Variants in CDH4 observed in about 807,000 individuals in gnomAD.
CDH4 encodes cadherin 4.
A neutral mutation model predicts 86.0 loss-of-function variants in CDH4; 33 were observed. The ratio of observed to expected loss-of-function variants is 0.38; its 90% CI spans 0.29 to 0.51. CDH4 has a LOEUF of 0.51. Among genes scored for constraint, CDH4 ranks in the 20% least tolerant of loss-of-function variants. The probability of loss-of-function intolerance (pLI) is 0.86; values close to 1 mark genes in which losing one functional copy is unlikely to be tolerated. For missense variants in CDH4, 1,114 were observed against 1,307.4 expected, an observed-to-expected ratio of 0.85 and a Z score of 2.28; for synonymous variants, 555 against 549.4, an observed-to-expected ratio of 1.01 and a Z score of -0.14.
At chr20:61,368,042 T>G (rs1017892383) in intron 2 of CDH4, among the ~76,000 whole-genome samples, 6 of 152,038 alleles carry the variant, frequency 3.9e-5, no homozygotes, top group African/African-American at 1.2e-4. Context: ...GGCTAACTTT[T>G]GTATTTTTAG....
At chr20:61,561,755 C>T (rs1426440301) in intron 2 of CDH4, among the ~76,000 whole-genome samples, 1 of 152,252 alleles carries the variant, frequency 6.6e-6, no homozygotes, top group Non-Finnish European at 1.5e-5. Flanking sequence ...AGCATGTTTA[C>T]TATCTCGCCC....
chr20:61,537,024 G>A (rs1272601497), intron 2 of CDH4, among the ~76,000 whole-genome samples: 1 of 152,166 alleles, frequency 6.6e-6, no homozygotes, highest in Admixed American at 6.5e-5. Context: ...ATGATGCTCT[G>A]AGCACCCCCA....
chr20:61,634,286 G>A (rs1298033722), intron 2 of CDH4, among the ~76,000 whole-genome samples: 4 of 152,100 alleles, frequency 2.6e-5, no homozygotes, highest in Admixed American at 6.5e-5. Flanking sequence ...GCTCATTTAC[G>A]CACTGAACAC....
chr20:61,669,137 T>C (rs1397914166), intron 2 of CDH4, among the ~76,000 whole-genome samples: 2 of 152,322 alleles, frequency 1.3e-5, no homozygotes, highest in Middle Eastern at 3.4e-3. Flanking sequence ...GGAGCGGGCA[T>C]GGGCACACCT....
At chr20:61,936,425 C>CG (rs1166944733) in intron 15 of CDH4, among the ~76,000 whole-genome samples, 1 of 52,356 alleles carries the variant, frequency 1.9e-5, no homozygotes, top group African/African-American at 9.0e-5. Flanking sequence ...CACACCCCCC[C>CG]CCCCATCTGC....
intron 2 of CDH4, among the ~76,000 whole-genome samples, chr20:61,700,001 C>A (rs991247318): frequency 6.6e-6 from 1 of 152,198 alleles, no homozygotes; most frequent in Non-Finnish European, 1.5e-5. Flanking sequence ...GAACGAGGCT[C>A]ACAGCGCCGG....
In CDH4 at chr20:61,937,178, CTG is replaced by C; in HGVS notation, c.*237_*238del. 4.5e-6 allele frequency: 1 copy of C among 219,924 alleles called. No homozygotes were observed. Among genetic ancestry groups the C allele is most frequent in the Non-Finnish European group, 8.4e-6 (1 of 119,642 alleles). The allele number at this position is 219,924 out of a possible 1,614,324, so 13.6% of individuals were successfully genotyped here. ...GCACTGAAGGACAGCAAGAGGCACT[CTG>C]TCTTCACTTGAATTTCCTAGAACAG... On this transcript the variant is annotated 3_prime_UTR_variant, in exon 16 of 16. Transcript: ENST00000614565.
At chr20:61,930,797 G>C (rs980996786) in intron 13 of CDH4, among the ~76,000 whole-genome samples, 2 of 152,254 alleles carry the variant, frequency 1.3e-5, no homozygotes, top group Non-Finnish European at 2.9e-5. Context: ...GGAGTGGAAA[G>C]AGCCCCACAG....
intron 6 of CDH4, among the ~76,000 whole-genome samples, chr20:61,857,101 C>T (rs769858404): frequency 2.6e-5 from 4 of 152,252 alleles, no homozygotes; most frequent in Non-Finnish European, 5.9e-5. Flanking sequence ...AAGGCAGGTT[C>T]TCGTGGGTCT....
chr20:61,761,236 A>C (rs936048970), intron 3 of CDH4, among the ~76,000 whole-genome samples: 25 of 152,228 alleles, frequency 1.6e-4, no homozygotes, highest in African/African-American at 6.0e-4. Flanking sequence ...GGGGGCTCAC[A>C]TAATTTCCTT....
rs140144539 is a variant in CDH4 at position 61,362,838 on chromosome 20, G to A, written c.169+107901G>A. ...CCAGAGGAGATCAAATAACTGCCAA[G>A]TACAAGGGTCCAGCAACGTGCATCA... is the stretch of plus-strand genomic sequence containing the variant. On this transcript the variant is annotated intron_variant, in intron 2 of 15. Transcript: ENST00000614565. 5.5e-3 allele frequency among the ~76,000 whole-genome samples: 843 copies of A among 152,262 alleles called. 3 individuals are homozygous for A. Among genetic ancestry groups the A allele is most frequent in the African/African-American group, 0.018 (762 of 41,548 alleles).
chr20:61,303,840 C>T (rs1373837026), intron 2 of CDH4, among the ~76,000 whole-genome samples: 4 of 152,346 alleles, frequency 2.6e-5, no homozygotes, highest in East Asian at 1.9e-4. Context: ...AGCTGGAAAG[C>T]GAGCCTTCAG....
chr20:61,479,470 C>T (rs922996558), intron 2 of CDH4, among the ~76,000 whole-genome samples: 9 of 151,672 alleles, frequency 5.9e-5, no homozygotes, highest in Admixed American at 1.3e-4. Context: ...TTTGTCCTTG[C>T]GATAGTTTGC....
intron 2 of CDH4, among the ~76,000 whole-genome samples, chr20:61,495,278 C>T (rs1215433075): frequency 6.6e-6 from 1 of 152,218 alleles, no homozygotes; most frequent in East Asian, 1.9e-4. Flanking sequence ...CCCTGGAGCT[C>T]AGGCACCTGA....
chr20:61,925,357 G>C (rs371290688), intron 11 of CDH4, among the ~76,000 whole-genome samples: 15 of 152,338 alleles, frequency 9.8e-5, no homozygotes, highest in East Asian at 5.8e-4. Context: ...GATCAGTCCA[G>C]TACCACCGCT....
intron 2 of CDH4, among the ~76,000 whole-genome samples, chr20:61,621,688 A>G (rs923961782): frequency 2.6e-5 from 4 of 152,266 alleles, no homozygotes; most frequent in African/African-American, 9.6e-5. Context: ...TGCACTAGCA[A>G]GGCTAGTTTA....
rs76090331 is a variant in CDH4, at chr20:61,622,158, G to A, written c.170-121405G>A. On this transcript the variant is annotated intron_variant, in intron 2 of 15. Transcript: ENST00000614565. ...GCCACAAAAGGAGAAGCTGGGTCTC[G>A]ATGCTCCACGTCTGTAACTGCGAAA... Among the ~76,000 whole-genome samples the A allele has an allele frequency of 4.6e-3, 694 of 152,344 alleles. 8 individuals are homozygous for A. Among genetic ancestry groups the A allele is most frequent in the African/African-American group, 0.015 (636 of 41,586 alleles).
At chr20:61,381,689 A>G (rs1250678888) in intron 2 of CDH4, among the ~76,000 whole-genome samples, 4 of 151,492 alleles carry the variant, frequency 2.6e-5, no homozygotes, top group Non-Finnish European at 5.9e-5. Flanking sequence ...AGGAATATCA[A>G]TTACTCACTT....
At chr20:61,935,287 C>T (rs2055169308) in intron 15 of CDH4, among the ~76,000 whole-genome samples, 1 of 152,244 alleles carries the variant, frequency 6.6e-6, no homozygotes, top group African/African-American at 2.4e-5. Flanking sequence ...GGCAGTGATT[C>T]AACAGAAAGA....
Sources: gnomAD v4.1 joint callset for allele counts (sites outside exome capture counted in the v4.1 genomes callset) on GRCh38, gnomAD v4.1.1 for gene constraint, MANE v1.5 for transcripts, NCBI Gene and HGNC (gene_info 2026-07-23, HGNC 2026-07-21) for gene names.